KCTD16: variants seen among roughly 807,000 people sequenced by gnomAD.
KCTD16 encodes the protein potassium channel tetramerization domain containing 16, also known as BTB/POZ domain-containing protein KCTD16.
A neutral mutation model predicts 33.2 loss-of-function variants in KCTD16; 13 were observed. The observed-to-expected ratio is 0.39, with a 90% CI of 0.25 to 0.62. The LOEUF is 0.62. Ranked by LOEUF, KCTD16 falls within the 20% of genes least tolerant of loss-of-function variation. KCTD16 has a pLI of 0.50. For synonymous variants in KCTD16, 197 were observed against 195.3 expected (o/e 1.01, Z -0.07); for missense variants, 441 against 525.1 (o/e 0.84, Z 1.57).
At chr5:144,415,802 G>A (rs2126957271) in intron 3 of KCTD16, among the ~76,000 whole-genome samples, 1 of 152,268 alleles carries the variant, frequency 6.6e-6, no homozygotes, top group African/African-American at 2.4e-5. Context: ...TTTGGCAGAG[G>A]TACTGAAAAC....
At chr5:144,215,730 A>G (rs2126798435) in intron 3 of KCTD16, among the ~76,000 whole-genome samples, 1 of 152,380 alleles carries the variant, frequency 6.6e-6, no homozygotes, top group African/African-American at 2.4e-5. Flanking sequence ...TAGAAGCCTT[A>G]GTAAATATGA....
rs575651961 is a variant in KCTD16, at chr5:144,334,132, C to G, written c.832+126586C>G. ...AGGGAACCAGCTTATACAACAGACT[C>G]TGTGTTCTTTGAAGTGTGGTTATGA... On this transcript the variant is annotated intron_variant, in intron 3 of 3. Coordinates refer to ENST00000512467, the MANE Select transcript of KCTD16 (RefSeq NM_020768.4). 7.9e-5 allele frequency among the ~76,000 whole-genome samples: 12 copies of G among 152,286 alleles called. No homozygotes were observed. In the South Asian group the frequency reaches 2.5e-3, roughly 32 times the overall value.
rs1754705108 is a variant in KCTD16, at chr5:144,481,633, A to G, written c.*7519A>G. 1 of 151,972 alleles carries G rather than the reference A, an allele frequency of 6.6e-6. No individual in the cohort carries two copies. Among genetic ancestry groups the G allele is most frequent in the Non-Finnish European group, 1.5e-5 (1 of 67,936 alleles). 9.4% of individuals were successfully genotyped at this position (151,972 alleles called of 1,614,324 possible). A position where few individuals can be genotyped will look rare whatever the true frequency, so the allele number is the denominator to read the frequency against. The stretch of plus-strand genomic sequence containing the variant: ...AATTCCATTTTATACAAGGGAAACT[A>G]AGGACCCAGAAAGTTTAAATCGGTC... On this transcript the variant is annotated 3_prime_UTR_variant, in exon 4 of 4. Coordinates refer to ENST00000512467, the MANE Select transcript of KCTD16 (RefSeq NM_020768.4).
chr5:144,258,051 A>G (rs1754900908), intron 3 of KCTD16, among the ~76,000 whole-genome samples: 1 of 152,210 alleles, frequency 6.6e-6, no homozygotes, highest in African/African-American at 2.4e-5. Context: ...ACTATTTAAG[A>G]CTATTTATTG....
At chr5:144,276,547 A>G (rs953982171) in intron 3 of KCTD16, among the ~76,000 whole-genome samples, 3 of 152,238 alleles carry the variant, frequency 2.0e-5, no homozygotes, top group Non-Finnish European at 4.4e-5. Flanking sequence ...GCAGAGACCT[A>G]GAAACATTCC....
intron 3 of KCTD16, chr5:144,384,416 A>T (rs759822188): frequency 6.6e-6 from 1 of 152,242 alleles, no homozygotes; most frequent in Non-Finnish European, 1.5e-5. Context: ...AAACGACAGC[A>T]CTGTTGGCAT....
At chr5:144,265,600 A>C (rs971623623) in intron 3 of KCTD16, among the ~76,000 whole-genome samples, 2 of 152,242 alleles carry the variant, frequency 1.3e-5, no homozygotes, top group Non-Finnish European at 2.9e-5. Flanking sequence ...GAATTCACGA[A>C]GTTGGCTGTA....
chr5:144,204,398 C>T (rs1299535790), intron 2 of KCTD16, among the ~76,000 whole-genome samples: 1 of 152,136 alleles, frequency 6.6e-6, no homozygotes, highest in Non-Finnish European at 1.5e-5. Context: ...GTTGGCTGGG[C>T]CATTATTGAC....
intron 3 of KCTD16, among the ~76,000 whole-genome samples, chr5:144,228,036 A>G (rs754346918): frequency 1.3e-5 from 2 of 152,148 alleles, no homozygotes; most frequent in Non-Finnish European, 2.9e-5. Context: ...TAGGAGTTAG[A>G]CATATGGGTC....
At chr5:144,195,658 A>G (rs1238383153) in intron 2 of KCTD16, among the ~76,000 whole-genome samples, 1 of 152,242 alleles carries the variant, frequency 6.6e-6, no homozygotes, top group Non-Finnish European at 1.5e-5. Context: ...TTACATTTAT[A>G]TACACATATA....
chr5:144,304,003 G>A (rs1170141682), intron 3 of KCTD16, among the ~76,000 whole-genome samples: 2 of 152,000 alleles, frequency 1.3e-5, no homozygotes, highest in Non-Finnish European at 1.5e-5. Context: ...GCCCATAATT[G>A]CCATTTTACC....
intron 3 of KCTD16, among the ~76,000 whole-genome samples, chr5:144,219,099 A>G (rs1335834864): frequency 6.6e-6 from 1 of 152,194 alleles, no homozygotes; most frequent in African/African-American, 2.4e-5. Context: ...TAAAAGGGGG[A>G]TGAGGAAGCT....
intron 3 of KCTD16, among the ~76,000 whole-genome samples, chr5:144,219,580 G>C (rs1398304038): frequency 6.9e-6 from 1 of 144,414 alleles, no homozygotes. Flanking sequence ...GAGTGCAATG[G>C]CGCGATCTCG....
intron 3 of KCTD16, among the ~76,000 whole-genome samples, chr5:144,232,227 A>G (rs1754124052): frequency 6.6e-6 from 1 of 152,174 alleles, no homozygotes; most frequent in Non-Finnish European, 1.5e-5. Context: ...AGGATAGACT[A>G]TTTTTCCCTT....
In KCTD16 at chr5:144,271,760, T is replaced by TACAC. The variant is rs3077273; in HGVS notation, c.832+64240_832+64243dup. 3.1e-3 allele frequency among the ~76,000 whole-genome samples: 452 copies of TACAC among 146,208 alleles called. 3 individuals carry two copies. The highest frequency in any genetic ancestry group is 8.4e-3 in the African/African-American group (333 of 39,812). ...CTGGTATGTCTAAAAGACTAAAAAC[T>TACAC]ACACACACACACACACACACACACA... On this transcript the variant is annotated intron_variant, in intron 3 of 3. Coordinates refer to ENST00000512467, the MANE Select transcript of KCTD16 (RefSeq NM_020768.4).
rs762266741 is a variant in KCTD16, at chr5:144,473,947, A to G, written c.1120A>G (p.Arg374Gly). ...DLLRTLTSGS[R>G]ESNMSSKKKA... Reference sequence around the variant, plus strand: ...ACTCCGGACTCTGACTTCAGGCTCCAGGGAATCGAACATGAGCAGCAAAAA... The same window carrying G: ...ACTCCGGACTCTGACTTCAGGCTCCGGGGAATCGAACATGAGCAGCAAAAA... Residue 374 changes from arginine to glycine, a missense_variant, in exon 4 of 4, where the codon AGG becomes GGG. This residue lies in a region of KCTD16 where 355 missense variants were observed against 413.0 expected (regional missense o/e 0.86). Coordinates refer to ENST00000512467, the MANE Select transcript of KCTD16 (RefSeq NM_020768.4). 1 of 1,614,110 alleles carries G rather than the reference A, an allele frequency of 6.2e-7. No homozygotes were observed. Among genetic ancestry groups the G allele is most frequent in the Admixed American group, 1.7e-5 (1 of 60,018 alleles).
chr5:144,278,102 C>A (rs909840614), intron 3 of KCTD16, among the ~76,000 whole-genome samples: 86 of 152,178 alleles, frequency 5.7e-4, no homozygotes, highest in African/African-American at 2.0e-3. Context: ...TTGTCTAACA[C>A]AAGGTCTCAA....
intron 3 of KCTD16, among the ~76,000 whole-genome samples, chr5:144,271,765 ACACAC>A (rs1755300795): frequency 3.2e-5 from 3 of 93,814 alleles, no homozygotes; most frequent in African/African-American, 9.2e-5. Context: ...AAAACTACAC[ACACAC>A]ACACACACAC....
chr5:144,233,492 C>G (rs1194328137), intron 3 of KCTD16, among the ~76,000 whole-genome samples: 1 of 152,142 alleles, frequency 6.6e-6, no homozygotes, highest in Non-Finnish European at 1.5e-5. Context: ...AAAGAAATGT[C>G]TGAGAGTTGC....
Sources: gnomAD v4.1 joint callset for allele counts (sites outside exome capture counted in the v4.1 genomes callset) on GRCh38, gnomAD v4.1.1 for gene constraint, gnomAD v4.1.1 regional missense constraint, MANE v1.5 for transcripts, NCBI Gene and HGNC (gene_info 2026-07-23, HGNC 2026-07-21) for gene names.